BNC2: variants seen among roughly 807,000 people sequenced by gnomAD.
BNC2 encodes zinc finger protein basonuclin-2.
In BNC2, 20 loss-of-function variants were observed where a neutral mutation model predicts 76.3. The observed-to-expected ratio is 0.26, with a 90% CI of 0.18 to 0.38. The LOEUF (loss-of-function observed/expected upper bound fraction) is 0.38. Among genes scored for constraint, BNC2 ranks in the 10% least tolerant of loss-of-function variants. The pLI, the probability that BNC2 is intolerant of heterozygous loss-of-function variation, is 1.00. For missense variants in BNC2, 1,382 were observed against 1,399.8 expected, an observed-to-expected ratio of 0.99 and a Z score of 0.20; for synonymous variants, 582 against 514.8, an observed-to-expected ratio of 1.13 and a Z score of -1.77.
chr9:16,421,327 GAGAC>G (rs1362070393), intron 6 of BNC2: 3 of 1,227,254 alleles, frequency 2.4e-6, no homozygotes, highest in Non-Finnish European at 3.2e-6. Context: ...GCAAGAATAA[GAGAC>G]AGAGAGAGAG....
At chr9:16,772,283 G>A (rs1193512319) in intron 1 of BNC2, among the ~76,000 whole-genome samples, 1 of 152,090 alleles carries the variant, frequency 6.6e-6, no homozygotes, top group African/African-American at 2.4e-5. Flanking sequence ...CAGTATCAGA[G>A]TTGATACCCT....
intron 3 of BNC2, among the ~76,000 whole-genome samples, chr9:16,599,701 T>G (rs1483777086): frequency 6.6e-6 from 1 of 152,162 alleles, no homozygotes; most frequent in Non-Finnish European, 1.5e-5. Flanking sequence ...GGAGAATCAC[T>G]TGAACCCGGA....
At chr9:16,705,803 T>C (rs561203660) in intron 3 of BNC2, among the ~76,000 whole-genome samples, 2 of 152,352 alleles carry the variant, frequency 1.3e-5, no homozygotes, top group East Asian at 3.9e-4. Context: ...TTAAGTGACA[T>C]TCAATTTAGA....
At position 16,419,027 on chromosome 9, in the gene BNC2, T is replaced by G. The variant is rs749309637; in HGVS notation, c.3262A>C (p.Asn1088His). Reference sequence around the variant, plus strand: ...GTGAAGGGAATGTTTTTGTGGAGATTAGGGTTCTGACTGTGCCGATTTCGG... The same window carrying G: ...GTGAAGGGAATGTTTTTGTGGAGATGAGGGTTCTGACTGTGCCGATTTCGG... ...RSRNRHSQNP[N>H]LHKNIPFTSV... Residue 1088 changes from asparagine (N) to histidine (H), a missense_variant, in exon 7 of 7, where the codon AAT becomes CAT. Coordinates refer to ENST00000380672, the MANE Select transcript of BNC2 (RefSeq NM_017637.6). 1 of 1,614,134 alleles carries G rather than the reference T, an allele frequency of 6.2e-7. No individual in the cohort carries two copies. The highest frequency in any genetic ancestry group is 2.2e-5 in the East Asian group (1 of 44,830).
intron 5 of BNC2, among the ~76,000 whole-genome samples, chr9:16,475,297 C>T (rs1441215410): frequency 6.6e-6 from 1 of 152,118 alleles, no homozygotes; most frequent in African/African-American, 2.4e-5. Context: ...TATATACTTG[C>T]CTCTTACCCT....
chr9:16,842,030 G>C (rs948107927), intron 1 of BNC2, among the ~76,000 whole-genome samples: 5 of 152,052 alleles, frequency 3.3e-5, no homozygotes, highest in Admixed American at 6.5e-5. Context: ...GGCTGGTCTC[G>C]AACTCCTGAC....
chr9:16,479,281 A>G (rs565764794), intron 5 of BNC2, among the ~76,000 whole-genome samples: 1 of 151,872 alleles, frequency 6.6e-6, no homozygotes, highest in East Asian at 1.9e-4. Context: ...AAAGAAAAAG[A>G]AAAAGAAAAG....
intron 4 of BNC2, among the ~76,000 whole-genome samples, chr9:16,582,497 G>C (rs1819652905): frequency 6.6e-6 from 1 of 152,134 alleles, no homozygotes; most frequent in African/African-American, 2.4e-5. Flanking sequence ...GCCAAATAAT[G>C]TTCCCGTTCA....
intron 3 of BNC2, among the ~76,000 whole-genome samples, chr9:16,721,895 C>A (rs1422983054): frequency 2.6e-5 from 4 of 151,042 alleles, no homozygotes; most frequent in African/African-American, 9.7e-5. Flanking sequence ...ATTCCAATTT[C>A]TTTTCCTCTT....
chr9:16,592,373 G>A (rs1318154383), intron 3 of BNC2, among the ~76,000 whole-genome samples: 2 of 151,962 alleles, frequency 1.3e-5, no homozygotes, highest in African/African-American at 4.8e-5. Flanking sequence ...AATGAACCAC[G>A]GATACATACT....
intron 5 of BNC2, among the ~76,000 whole-genome samples, chr9:16,461,824 T>C (rs1245473553): frequency 6.6e-6 from 1 of 152,220 alleles, no homozygotes; most frequent in Non-Finnish European, 1.5e-5. Context: ...ATAAGAGTTA[T>C]TTTGTTTCTA....
intron 3 of BNC2, among the ~76,000 whole-genome samples, chr9:16,705,377 T>TGA (rs1435839514): frequency 1.3e-5 from 2 of 152,180 alleles, no homozygotes; most frequent in African/African-American, 4.8e-5. Flanking sequence ...ACCCACACAC[T>TGA]GAGCACAGAG....
At chr9:16,513,764 A>G (rs1425540197) in intron 5 of BNC2, among the ~76,000 whole-genome samples, 1 of 152,178 alleles carries the variant, frequency 6.6e-6, no homozygotes, top group Non-Finnish European at 1.5e-5. Context: ...AGACTGACAC[A>G]CAACTCAGAA....
intron 3 of BNC2, among the ~76,000 whole-genome samples, chr9:16,611,377 C>G (rs1190887772): frequency 1.3e-5 from 2 of 152,056 alleles, no homozygotes; most frequent in Non-Finnish European, 2.9e-5. Context: ...ATCTGGAAAA[C>G]GGCTGTAAAG....
intron 3 of BNC2, among the ~76,000 whole-genome samples, chr9:16,635,700 C>T (rs1056193754): frequency 1.3e-5 from 2 of 152,132 alleles, no homozygotes; most frequent in African/African-American, 4.8e-5. Context: ...CTTTTGTTGG[C>T]AACTCAAACA....
rs201584429 is a variant in BNC2, at chr9:16,436,476, T to C, written c.1718A>G (p.Tyr573Cys). The C allele has an allele frequency of 3.7e-6, 6 of 1,614,032 alleles. No individual in the cohort carries two copies. Among genetic ancestry groups the C allele is most frequent in the Admixed American group, 1.7e-5 (1 of 60,006 alleles). ...LKTVQPVPPF[Y>C]RSLLTPGEMV... ...TTCCCCTGGAGTGAGTAAACTTCTA[T>C]AAAATGGAGGAACTGGTTGTACAGT... Residue 573 changes from tyrosine (Y) to cysteine (C), a missense_variant, in exon 6 of 7, where the codon TAT (tyrosine) becomes TGT (cysteine). Coordinates refer to ENST00000380672, the MANE Select transcript of BNC2 (RefSeq NM_017637.6).
chr9:16,444,376 G>A (rs1272338463), intron 5 of BNC2, among the ~76,000 whole-genome samples: 1 of 152,078 alleles, frequency 6.6e-6, no homozygotes, highest in African/African-American at 2.4e-5. Context: ...ATATATAGCA[G>A]GTATGTGCTA....
chr9:16,838,995 A>T (rs1435171179), intron 1 of BNC2, among the ~76,000 whole-genome samples: 1 of 152,202 alleles, frequency 6.6e-6, no homozygotes, highest in Non-Finnish European at 1.5e-5. Context: ...CGTGAAAGAA[A>T]ACTACTAATT....
At chr9:16,519,256 G>A (rs913374287) in intron 5 of BNC2, among the ~76,000 whole-genome samples, 2 of 152,166 alleles carry the variant, frequency 1.3e-5, no homozygotes, top group Non-Finnish European at 2.9e-5. Context: ...GGTATGAGGG[G>A]GTGATTCTTA....
Sources: gnomAD v4.1 joint callset for allele counts (sites outside exome capture counted in the v4.1 genomes callset) on GRCh38, gnomAD v4.1.1 for gene constraint, MANE v1.5 for transcripts, NCBI Gene and HGNC (gene_info 2026-07-23, HGNC 2026-07-21) for gene names.